Variants in CASP10 observed in about 807,000 individuals in gnomAD.
CASP10 encodes caspase 10, also known as caspase-10.
A neutral mutation model predicts 48.5 loss-of-function variants in CASP10; 41 were observed. The observed-to-expected ratio is 0.85, with a 90% CI of 0.66 to 1.10. The LOEUF is 1.10. Among genes scored for constraint, CASP10 ranks in the 50% least tolerant of loss-of-function variants. The pLI is 0.00. For synonymous variants in CASP10, 232 were observed against 238.4 expected (o/e 0.97, Z 0.25); for missense variants, 614 against 614.5 (o/e 1.00, Z 0.01).
rs1232228847 is a variant in CASP10, at chr2:201,221,228, C to G, written c.*3487C>G. On this transcript the variant is annotated 3_prime_UTR_variant, in exon 10 of 10. Coordinates refer to ENST00000286186, the MANE Select transcript of CASP10 (RefSeq NM_032977.4). ...AGATCTAATTCTTCCCTCACTGGTT[C>G]GTGATGTCTACCGCAGCAGAAGGCC... 2 of 985,280 alleles carry G rather than the reference C, an allele frequency of 2.0e-6. No individual in the cohort carries two copies. Among genetic ancestry groups the G allele is most frequent in the African/African-American group, 3.5e-5 (2 of 57,216 alleles). The allele number at this position is 985,280 out of a possible 1,614,324, so 61.0% of individuals were successfully genotyped here. A position where few individuals can be genotyped will look rare whatever the true frequency, so the allele number is the denominator to read the frequency against.
chr2:201,193,387 T>C (rs546398529), intron 4 of CASP10: 50 of 367,496 alleles, frequency 1.4e-4, no homozygotes, highest in Admixed American at 3.0e-4. Context: ...TTTGTATTTT[T>C]AGTAGCGACA....
intron 5 of CASP10, among the ~76,000 whole-genome samples, chr2:201,199,854 G>T (rs1034549507): frequency 6.6e-6 from 1 of 152,048 alleles, no homozygotes; most frequent in African/African-American, 2.4e-5. Context: ...GATTACAGGC[G>T]TGAGCCACCA....
At chr2:201,184,038 G>A (rs1042721968) in intron 1 of CASP10, among the ~76,000 whole-genome samples, 1 of 152,094 alleles carries the variant, frequency 6.6e-6, no homozygotes, top group African/African-American at 2.4e-5. Flanking sequence ...TGGGACCACA[G>A]GCATACACCA....
chr2:201,201,164 C>T (rs903279320), intron 5 of CASP10, among the ~76,000 whole-genome samples: 4 of 152,100 alleles, frequency 2.6e-5, no homozygotes, highest in Non-Finnish European at 2.9e-5. Flanking sequence ...ATTCTCATGC[C>T]TCAGCTTCCC....
chr2:201,224,860 G>A (rs1036106629), downstream of CASP10, among the ~76,000 whole-genome samples: 1 of 151,740 alleles, frequency 6.6e-6, no homozygotes, highest in Non-Finnish European at 1.5e-5. Flanking sequence ...GAATATTTGG[G>A]AAATACAAAA....
At chr2:201,184,698 T>C (rs1358700591) in intron 1 of CASP10, among the ~76,000 whole-genome samples, 1 of 152,232 alleles carries the variant, frequency 6.6e-6, no homozygotes, top group East Asian at 1.9e-4. Flanking sequence ...ATACCTCAAG[T>C]GCTTATAGAA....
At chr2:201,229,063 A>G (rs1237824112) in exon 10 of CASP10, 1 of 1,614,192 alleles carries the variant, frequency 6.2e-7, no homozygotes, top group Non-Finnish European at 8.5e-7. Flanking sequence ...CCCCATGCGC[A>G]GGTGGAGCAG....
chr2:201,221,716 G>A (rs951628459), downstream of CASP10: 2 of 152,216 alleles, frequency 1.3e-5, no homozygotes, highest in Non-Finnish European at 2.9e-5. Context: ...TCCTTCATCA[G>A]GAGCATTTGG....
intron 5 of CASP10, among the ~76,000 whole-genome samples, chr2:201,196,472 G>T (rs888303170): frequency 6.6e-6 from 1 of 152,148 alleles, no homozygotes; most frequent in African/African-American, 2.4e-5. Flanking sequence ...GCTCTGAAAG[G>T]ATGGGTGGAA....
chr2:201,205,010 A>G (rs1945149960), intron 6 of CASP10, among the ~76,000 whole-genome samples: 2 of 152,116 alleles, frequency 1.3e-5, no homozygotes, highest in Admixed American at 1.3e-4. Flanking sequence ...GGTGGGTTCT[A>G]CTACAAACTT....
chr2:201,203,085 T>A (rs970860928), intron 5 of CASP10, among the ~76,000 whole-genome samples: 3 of 152,206 alleles, frequency 2.0e-5, no homozygotes, highest in African/African-American at 7.2e-5. Flanking sequence ...GTATAGAGGC[T>A]GTCCTTGGCA....
At chr2:201,203,564 C>A (rs1231530905) in intron 5 of CASP10, among the ~76,000 whole-genome samples, 166 bp from the exon 6 acceptor site, 1 of 152,166 alleles carries the variant, frequency 6.6e-6, no homozygotes, top group East Asian at 1.9e-4. Flanking sequence ...GCCTTGGCCT[C>A]CCAAAGTGCT....
At chr2:201,208,417 G>C in intron 8 of CASP10, 1 of 978,324 alleles carries the variant, frequency 1.0e-6, no homozygotes, top group Non-Finnish European at 1.2e-6. Flanking sequence ...AGAGCCTGCT[G>C]GATTGGCACG....
At chr2:201,215,425 T>C (rs1444322983) in intron 9 of CASP10, among the ~76,000 whole-genome samples, 1 of 152,116 alleles carries the variant, frequency 6.6e-6, no homozygotes, top group Non-Finnish European at 1.5e-5. Flanking sequence ...TGAGTTGGTT[T>C]TTGTTTATGG....
At position 201,209,345 on chromosome 2, in the gene CASP10, G is replaced by A. The variant is rs762404236; in HGVS notation, c.1198G>A (p.Ala400Thr). 5 of 1,613,922 alleles carry A rather than the reference G, an allele frequency of 3.1e-6. No individual in the cohort carries two copies. The highest frequency in any genetic ancestry group is 1.3e-5 in the African/African-American group (1 of 74,892). The change falls in exon 9 of 10, where the codon GCC becomes ACC. Residue 400 changes from alanine to threonine, a missense_variant. Transcript: ENST00000286186. ...AAAACCTAAACTCTTTTTCATCCAG[G>A]CCTGCCAAGGTGAAGAGATACAGCC... ...AEKPKLFFIQ[A>T]CQGEEIQPSV... is the part of the protein sequence containing the mutation.
At chr2:201,214,520 G>A (rs1945507002) in intron 9 of CASP10, 1 of 152,110 alleles carries the variant, frequency 6.6e-6, no homozygotes, top group South Asian at 2.1e-4. Context: ...TGAATAGATT[G>A]TCGTTGAATT....
intron 2 of CASP10, among the ~76,000 whole-genome samples, chr2:201,187,433 T>G (rs529948829): frequency 1.3e-5 from 2 of 152,256 alleles, no homozygotes; most frequent in African/African-American, 2.4e-5. Context: ...TATGCCTTTT[T>G]TTTTTTAAAT....
rs756812067 is a variant in CASP10 at position 201,217,754 on chromosome 2, G to A, written c.*13G>A. 2 of 1,613,722 alleles carry A rather than the reference G, an allele frequency of 1.2e-6. No individual in the cohort carries two copies. The highest frequency in any genetic ancestry group is 1.3e-5 in the African/African-American group (1 of 75,008). On this transcript the variant is annotated 3_prime_UTR_variant, in exon 10 of 10. Coordinates refer to ENST00000286186, the MANE Select transcript of CASP10 (RefSeq NM_032977.4). ...ACTTTCATTATAGCAGAGAGTTTTT[G>A]TTGGTTCTTAGACCTCAAACGAATC...
intron 9 of CASP10, 79 bp downstream of exon 9, chr2:201,209,641 G>A: frequency 7.0e-7 from 1 of 1,432,552 alleles, no homozygotes; most frequent in Non-Finnish European, 9.4e-7. Context: ...CAACACCTTT[G>A]GTAAGGGTGA....
Sources: gnomAD v4.1 joint callset for allele counts (sites outside exome capture counted in the v4.1 genomes callset) on GRCh38, gnomAD v4.1.1 for gene constraint, MANE v1.5 for transcripts, NCBI Gene and HGNC (gene_info 2026-07-23, HGNC 2026-07-21) for gene names.